Variants in CLEC16A observed in about 807,000 individuals in gnomAD.
CLEC16A encodes C-type lectin domain containing 16A.
Under a neutral mutation model 109.5 loss-of-function variants are expected in CLEC16A, and 51 were observed. The ratio of observed to expected loss-of-function variants is 0.47; its 90% CI spans 0.37 to 0.59. CLEC16A has a LOEUF of 0.59. CLEC16A is among the 20% of genes least tolerant of loss of function. CLEC16A has a pLI of 0.00. For synonymous variants in CLEC16A, 673 were observed against 564.2 expected, an observed-to-expected ratio of 1.19 and a Z score of -2.73; for missense variants, 1,339 against 1,394.0, an observed-to-expected ratio of 0.96 and a Z score of 0.63.
At chr16:11,058,432 C>A (rs1256447962) in intron 18 of CLEC16A, among the ~76,000 whole-genome samples, 1 of 151,756 alleles carries the variant, frequency 6.6e-6, no homozygotes, top group Non-Finnish European at 1.5e-5. Flanking sequence ...ATACTGAGTA[C>A]AATGTAAATG....
At chr16:10,972,667 G>A (rs2042850328) in intron 6 of CLEC16A, 108 bp downstream of exon 6, 1 of 1,044,044 alleles carries the variant, frequency 9.6e-7, no homozygotes, top group African/African-American at 1.6e-5. Context: ...GTCTGCTACT[G>A]ATAAGTAGGC....
At chr16:11,054,405 T>C (rs1048932612) in intron 18 of CLEC16A, among the ~76,000 whole-genome samples, 2 of 152,242 alleles carry the variant, frequency 1.3e-5, no homozygotes, top group African/African-American at 4.8e-5. Context: ...GATAGTCTTT[T>C]TGCCCCTCAC....
chr16:11,133,368 C>T (rs1239714442), intron 22 of CLEC16A, among the ~76,000 whole-genome samples: 2 of 151,232 alleles, frequency 1.3e-5, no homozygotes, highest in Non-Finnish European at 2.9e-5. Context: ...TTTTTTGACT[C>T]TCCTGAGTAT....
chr16:11,160,624 C>G (rs2054691154), intron 22 of CLEC16A, among the ~76,000 whole-genome samples: 1 of 152,236 alleles, frequency 6.6e-6, no homozygotes, highest in Non-Finnish European at 1.5e-5. Flanking sequence ...CCCTAGGGGA[C>G]TTAACTCACA....
chr16:10,947,219 C>G (rs1211955710), intron 1 of CLEC16A, among the ~76,000 whole-genome samples: 1 of 152,200 alleles, frequency 6.6e-6, no homozygotes, highest in Non-Finnish European at 1.5e-5. Context: ...TTAGAAGATC[C>G]CCCAGTGACT....
chr16:11,031,061 C>G (rs751792531), intron 13 of CLEC16A, among the ~76,000 whole-genome samples: 1 of 152,212 alleles, frequency 6.6e-6, no homozygotes, highest in African/African-American at 2.4e-5. Flanking sequence ...CTTTTTAATA[C>G]CGCCTTTTCT....
At chr16:11,120,848 A>G (rs1254069722) in intron 20 of CLEC16A, 82 bp downstream of exon 20, 3 of 1,156,186 alleles carry the variant, frequency 2.6e-6, no homozygotes, top group South Asian at 5.7e-5. Flanking sequence ...ACCACACACA[A>G]TTGTCATCTT....
intron 19 of CLEC16A, among the ~76,000 whole-genome samples, chr16:11,105,768 G>A (rs2051180914): frequency 6.6e-6 from 1 of 152,188 alleles, no homozygotes; most frequent in Non-Finnish European, 1.5e-5. Flanking sequence ...CCTGGGCCGT[G>A]TACCAGTCAC....
chr16:11,058,971 C>G (rs929977328), intron 18 of CLEC16A, among the ~76,000 whole-genome samples: 1 of 152,192 alleles, frequency 6.6e-6, no homozygotes, highest in East Asian at 1.9e-4. Flanking sequence ...TTTCAAGTGA[C>G]CACCCACGTC....
At chr16:11,065,079 G>C (rs2048690387) in intron 19 of CLEC16A, among the ~76,000 whole-genome samples, 1 of 152,192 alleles carries the variant, frequency 6.6e-6, no homozygotes, top group Non-Finnish European at 1.5e-5. Flanking sequence ...TGGCTGCTTT[G>C]GCCAGAGGAA....
chr16:11,070,534 G>T (rs2049014484), intron 19 of CLEC16A: 1 of 152,082 alleles, frequency 6.6e-6, no homozygotes, highest in Admixed American at 6.5e-5. Context: ...CTGAATTATT[G>T]CAGTAGTCTC....
chr16:11,024,970 A>C, intron 13 of CLEC16A, 49 bp downstream of exon 13: 2 of 1,270,950 alleles, frequency 1.6e-6, no homozygotes, highest in South Asian at 1.3e-5. Flanking sequence ...CTGCATACCC[A>C]TAGCATCCTT....
At chr16:11,137,226 A>G (rs2053610771) in intron 22 of CLEC16A, among the ~76,000 whole-genome samples, 1 of 152,142 alleles carries the variant, frequency 6.6e-6, no homozygotes, top group Admixed American at 6.5e-5. Flanking sequence ...TGTTTTATCA[A>G]CCGCAAGTTC....
chr16:10,967,493 G>A (rs970088515), intron 3 of CLEC16A, among the ~76,000 whole-genome samples: 1 of 152,116 alleles, frequency 6.6e-6, no homozygotes, highest in African/African-American at 2.4e-5. Flanking sequence ...TTGAACTCCT[G>A]GCCTCAAGCT....
intron 19 of CLEC16A, among the ~76,000 whole-genome samples, chr16:11,109,231 TC>T (rs962755839): frequency 2.7e-5 from 4 of 150,638 alleles, no homozygotes; most frequent in Non-Finnish European, 4.4e-5. Context: ...AGTGGTGCGA[TC>T]ATGACCCAGT....
In CLEC16A at chr16:10,989,526, C is replaced by G. The variant is rs532293863; in HGVS notation, c.1071+6535C>G. Among the ~76,000 whole-genome samples, 223 of 152,338 alleles carry G rather than the reference C, an allele frequency of 1.5e-3. 1 individual carries two copies. Among genetic ancestry groups the G allele is most frequent in the African/African-American group, 5.2e-3 (215 of 41,564 alleles). The stretch of plus-strand genomic sequence containing the variant: ...CTGGGATTACAGGCATGAGCCATCA[C>G]ACCCAGCTGGAAAGTATAAATACTT... On this transcript the variant is annotated intron_variant, in intron 10 of 23. Transcript: ENST00000409790.
rs147795725 is a variant in CLEC16A, at chr16:11,178,881, A to G, written c.*191A>G. 46 of 544,742 alleles carry G rather than the reference A, an allele frequency of 8.4e-5. No individual in the cohort carries two copies. Among genetic ancestry groups the G allele is most frequent in the East Asian group, 8.0e-4 (26 of 32,578 alleles). The allele number at this position is 544,742 out of a possible 1,614,324, so 33.7% of individuals were successfully genotyped here. A position where few individuals can be genotyped will look rare whatever the true frequency, so the allele number is the denominator to read the frequency against. ...TCCTTGAATTCCTTTTTCACTTTGC[A>G]TCTCTTCACGTGCAGGCTGGGACCA... On this transcript the variant is annotated 3_prime_UTR_variant, in exon 24 of 24. Transcript: ENST00000409790. The surrounding 1 kb of genome is among the most constrained non-coding windows in gnomAD (Gnocchi z 6.5).
intron 10 of CLEC16A, among the ~76,000 whole-genome samples, chr16:10,983,585 A>C (rs2043452474): frequency 6.6e-6 from 1 of 152,190 alleles, no homozygotes. Context: ...GGTCTGCAGG[A>C]AGGAGCTTTG....
At chr16:11,146,182 T>G (rs1018049912) in intron 22 of CLEC16A, among the ~76,000 whole-genome samples, 3 of 152,092 alleles carry the variant, frequency 2.0e-5, no homozygotes, top group African/African-American at 7.2e-5. Flanking sequence ...GGCAACCCTG[T>G]CCCCACTCCC....
Sources: allele counts gnomAD v4.1 joint callset (sites outside exome capture counted in the v4.1 genomes callset), GRCh38; gene constraint gnomAD v4.1.1; non-coding constraint Gnocchi (gnomAD v3.1); transcripts MANE v1.5; gene names NCBI Gene and HGNC (gene_info 2026-07-23, HGNC 2026-07-21).